Variants in ZFHX3 observed in about 807,000 individuals in gnomAD.
ZFHX3 encodes the protein zinc finger homeobox protein 3.
A neutral mutation model predicts 279.1 loss-of-function variants in ZFHX3; 42 were observed. The ratio of observed to expected loss-of-function variants is 0.15; its 90% CI spans 0.12 to 0.19. The LOEUF (loss-of-function observed/expected upper bound fraction) is 0.19. Ranked by LOEUF, ZFHX3 falls within the 10% of genes least tolerant of loss-of-function variation. The pLI is 1.00. For missense variants in ZFHX3, 4,981 were observed against 4,754.0 expected (o/e 1.05, Z -1.40); for synonymous variants, 2,293 against 1,957.8 (o/e 1.17, Z -4.52).
At chr16:73,868,962 C>T (rs1962099521) in intron 1 of ZFHX3, among the ~76,000 whole-genome samples, 1 of 152,078 alleles carries the variant, frequency 6.6e-6, no homozygotes, top group Admixed American at 6.6e-5. Context: ...ACACCATTTC[C>T]TTGCCTTGGA....
rs138685249 is a variant in ZFHX3 at position 73,006,755 on chromosome 16, C to T, written c.-50+40997G>A. Among the ~76,000 whole-genome samples, 109 of 152,254 alleles carry T rather than the reference C, an allele frequency of 7.2e-4. 1 individual carries two copies. In the Middle Eastern group the frequency reaches 0.01, roughly 14 times the overall value. On this transcript the variant is annotated intron_variant, in intron 1 of 9. Transcript: ENST00000268489. ...CATACACACAGACAGACAGCTGTCCCTTGCTATATCTCCCATAGATCCCGA... is the reference window on the plus strand; with the variant it reads ...CATACACACAGACAGACAGCTGTCCTTTGCTATATCTCCCATAGATCCCGA...
At chr16:73,557,731 G>A (rs555658774) in intron 2 of ZFHX3, among the ~76,000 whole-genome samples, 1 of 152,152 alleles carries the variant, frequency 6.6e-6, no homozygotes, top group African/African-American at 2.4e-5. Context: ...AGGTCTTTAA[G>A]ACCTGTATTT....
intron 2 of ZFHX3, chr16:73,504,371 CCTT>C (rs1184617041): frequency 1.3e-5 from 2 of 152,138 alleles, no homozygotes; most frequent in African/African-American, 4.8e-5. Flanking sequence ...GCCTCAACCC[CCTT>C]CTTCTTCCCC....
chr16:73,304,463 G>A (rs1450577305), intron 4 of ZFHX3, among the ~76,000 whole-genome samples: 2 of 152,140 alleles, frequency 1.3e-5, no homozygotes, highest in African/African-American at 4.8e-5. Flanking sequence ...AGGCAGGGTT[G>A]TCTGCTGTGT....
At chr16:72,860,034 C>A (rs760132587) in intron 4 of ZFHX3, among the ~76,000 whole-genome samples, 5 of 152,160 alleles carry the variant, frequency 3.3e-5, no homozygotes, top group Non-Finnish European at 5.9e-5. Flanking sequence ...CCGTGCCCCT[C>A]GACATGGTGG....
chr16:72,817,519 T>C (rs182493929), intron 5 of ZFHX3, among the ~76,000 whole-genome samples: 4 of 152,290 alleles, frequency 2.6e-5, no homozygotes, highest in Non-Finnish European at 5.9e-5. Context: ...ACCAACATAC[T>C]GGTAGAATTA....
chr16:73,588,112 C>T (rs376051811), intron 2 of ZFHX3, among the ~76,000 whole-genome samples: 4 of 152,014 alleles, frequency 2.6e-5, no homozygotes, highest in African/African-American at 7.2e-5. Flanking sequence ...CTAGGGAAAC[C>T]GCTATGAATT....
chr16:73,008,376 T>C (rs186444522), intron 1 of ZFHX3, among the ~76,000 whole-genome samples: 30 of 152,350 alleles, frequency 2.0e-4, no homozygotes, highest in African/African-American at 7.0e-4. Flanking sequence ...TTCATTAACA[T>C]GTTTAAGTAT....
chr16:73,546,674 C>T (rs1284322903), intron 2 of ZFHX3, among the ~76,000 whole-genome samples: 3 of 3,598 alleles, frequency 8.3e-4, no homozygotes, highest in Non-Finnish European at 1.3e-3. Flanking sequence ...GCTGCTGTTG[C>T]TGCTGCTGCT....
intron 2 of ZFHX3, among the ~76,000 whole-genome samples, chr16:73,647,076 G>A (rs890159408): frequency 6.1e-5 from 9 of 148,664 alleles, no homozygotes; most frequent in Non-Finnish European, 1.0e-4. Flanking sequence ...TGTGTGGCGC[G>A]ATCTCGGCGC....
chr16:73,635,466 G>A (rs975848361), intron 2 of ZFHX3, among the ~76,000 whole-genome samples: 1 of 152,208 alleles, frequency 6.6e-6, no homozygotes, highest in African/African-American at 2.4e-5. Flanking sequence ...GCAACTCAGT[G>A]TTCCAACAGA....
intron 1 of ZFHX3, among the ~76,000 whole-genome samples, chr16:73,886,916 T>C (rs781723707): frequency 5.9e-5 from 9 of 152,312 alleles, no homozygotes; most frequent in Middle Eastern, 3.4e-3. Context: ...TAAAAGTTTC[T>C]ATAAAGTTGC....
Position 73,712,301 on chromosome 16 carries a change from G to C in ZFHX3, c.-1607-32061C>G, listed in dbSNP as rs576245169. On this transcript the variant is annotated intron_variant, in intron 1 of 17. Coordinates refer to the ZFHX3 transcript ENST00000641206. ...GCCACCAAGCTCTGCCTGCCTCCTC[G>C]TCAGATGTCCAAGCTGCCCTTCTTC... Among the ~76,000 whole-genome samples, 4 of 152,104 alleles carry C rather than the reference G, an allele frequency of 2.6e-5. No homozygotes were observed. The South Asian group carries it at 8.3e-4, about 32-fold the overall frequency.
intron 1 of ZFHX3, among the ~76,000 whole-genome samples, chr16:73,698,806 C>T (rs2053220897): frequency 6.6e-6 from 1 of 152,144 alleles, no homozygotes. Flanking sequence ...ACGTAGGGTC[C>T]TGCACTGGGT....
chr16:73,058,924 C>T, exon 1 of ZFHX3: 1 of 164,706 alleles, frequency 6.1e-6, no homozygotes. Context: ...AAGCAGGCGG[C>T]GGCGGCGGCT....
At chr16:73,316,558 G>T (rs988329443) in intron 4 of ZFHX3, among the ~76,000 whole-genome samples, 2 of 152,034 alleles carry the variant, frequency 1.3e-5, no homozygotes, top group African/African-American at 4.8e-5. Flanking sequence ...CTTTTCCAAC[G>T]GTTTCATGTA....
At chr16:73,198,651 T>A (rs1009818539) in intron 5 of ZFHX3, among the ~76,000 whole-genome samples, 1 of 152,176 alleles carries the variant, frequency 6.6e-6, no homozygotes, top group Non-Finnish European at 1.5e-5. Flanking sequence ...TTCCTATATC[T>A]AGACCTCCAG....
chr16:73,093,975 G>T (rs1966124926), intron 7 of ZFHX3, among the ~76,000 whole-genome samples: 1 of 152,158 alleles, frequency 6.6e-6, no homozygotes, highest in African/African-American at 2.4e-5. Context: ...CCCTGCTCCT[G>T]GCTGAAAACT....
chr16:73,320,219 C>T (rs890556283), intron 3 of ZFHX3, among the ~76,000 whole-genome samples: 1 of 152,140 alleles, frequency 6.6e-6, no homozygotes, highest in Admixed American at 6.5e-5. Flanking sequence ...ATTCATCGTT[C>T]AAATCAGCCC....
Sources: allele counts gnomAD v4.1 joint callset (sites outside exome capture counted in the v4.1 genomes callset), GRCh38; gene constraint gnomAD v4.1.1; transcripts MANE v1.5; gene names NCBI Gene and HGNC (gene_info 2026-07-23, HGNC 2026-07-21).